AACS: variants seen among roughly 807,000 people sequenced by gnomAD.
AACS encodes the protein acetoacetate-CoA ligase.
A neutral mutation model predicts 83.1 loss-of-function variants in AACS; 69 were observed. The ratio of observed to expected loss-of-function variants is 0.83; its 90% CI spans 0.68 to 1.01. AACS has a LOEUF of 1.01. AACS is among the 50% of genes least tolerant of loss of function. The pLI, the probability that AACS is intolerant of heterozygous loss-of-function variation, is 0.00. For missense variants in AACS, 866 were observed against 882.2 expected (o/e 0.98, Z 0.23); for synonymous variants, 333 against 343.4 (o/e 0.97, Z 0.33).
intron 3 of AACS, among the ~76,000 whole-genome samples, chr12:125,077,840 C>T (rs1956066033): frequency 6.6e-6 from 1 of 152,030 alleles, no homozygotes; most frequent in Admixed American, 6.6e-5. Flanking sequence ...TCCCAAGTAG[C>T]TGGGATTACA....
rs781595318 is a variant in AACS at position 125,129,342 on chromosome 12, G to A, written c.1431G>A (p.Ala477=). ...TTAATTCTCCCATACCAGGAAAGGC[G>A]GTCTGGGGAGAGAGCGGCGAGCTGG... The part of the protein sequence containing the change: ...AVEAWNEEGK[A]VWGESGELVC... The change falls in exon 14 of 18, where the codon GCG becomes GCA. Residue 477 remains alanine (A), a synonymous_variant. Coordinates refer to ENST00000316519, the MANE Select transcript of AACS (RefSeq NM_023928.5). The surrounding 1 kb of genome is among the most constrained non-coding windows in gnomAD (Gnocchi z 4.3). The A allele has an allele frequency of 1.1e-5, 18 of 1,612,770 alleles. No individual in the cohort carries two copies. Among genetic ancestry groups the A allele is most frequent in the South Asian group, 7.7e-5 (7 of 90,932 alleles).
chr12:125,117,529 A>G, intron 9 of AACS: 1 of 152,250 alleles, frequency 6.6e-6, no homozygotes, highest in Non-Finnish European at 1.5e-5. Flanking sequence ...TGCTAGGATG[A>G]CAGGTGTGAG....
intron 7 of AACS, among the ~76,000 whole-genome samples, chr12:125,106,531 G>A (rs1405408740): frequency 2.0e-5 from 3 of 152,140 alleles, no homozygotes; most frequent in South Asian, 2.1e-4. Context: ...TTTGCTGAGC[G>A]GTTCTCTGTC....
At chr12:125,114,770 G>T (rs1437510145) in intron 9 of AACS, among the ~76,000 whole-genome samples, 5 of 148,470 alleles carry the variant, frequency 3.4e-5, no homozygotes, top group Non-Finnish European at 7.5e-5. Flanking sequence ...GCGCCGGCCC[G>T]TGGCACATGT....
chr12:125,128,069 C>G (rs111547066), intron 12 of AACS, 92 bp from the exon 13 acceptor site: 8 of 867,770 alleles, frequency 9.2e-6, no homozygotes, highest in African/African-American at 6.8e-5. Context: ...AGATATTTGT[C>G]CTCTTGGCAC....
At chr12:125,071,294 C>T (rs144673913) in intron 1 of AACS, among the ~76,000 whole-genome samples, 237 of 152,290 alleles carry the variant, frequency 1.6e-3, no homozygotes, top group African/African-American at 5.0e-3. Context: ...GCCACTTCCA[C>T]AATACCCTGT....
In AACS at chr12:125,142,668, A is replaced by G. The variant is rs1957518865; in HGVS notation, c.*439A>G. 2 of 158,216 alleles carry G rather than the reference A, an allele frequency of 1.3e-5. No individual in the cohort carries two copies. Among genetic ancestry groups the G allele is most frequent in the Admixed American group, 6.1e-5 (1 of 16,274 alleles). 9.8% of individuals were successfully genotyped at this position (158,216 alleles called of 1,614,324 possible). A position where few individuals can be genotyped will look rare whatever the true frequency, so the allele number is the denominator to read the frequency against. Reference sequence around the variant, plus strand: ...CTCCTGTTTTCCCTCAGGGTCCAGTATGCCTTTGAGCTTTAGCTGTTAGAA... The same window carrying G: ...CTCCTGTTTTCCCTCAGGGTCCAGTGTGCCTTTGAGCTTTAGCTGTTAGAA... On this transcript the variant is annotated 3_prime_UTR_variant, in exon 18 of 18. Coordinates refer to ENST00000316519, the MANE Select transcript of AACS (RefSeq NM_023928.5).
Position 125,076,527 on chromosome 12 carries a change from G to A in AACS, c.274G>A (p.Glu92Lys), listed in dbSNP as rs549236885. ...ATCGAAAGGAATCGCAGATGTCCCC[G>A]AGTGGTTCAAAGGCAGTCGGCTCAA... ...DTSKGIADVP[E>K]WFKGSRLNYA... The change falls in exon 3 of 18, where the codon GAG becomes AAG. Residue 92 changes from glutamate (E) to lysine (K), a missense_variant. Coordinates refer to ENST00000316519, the MANE Select transcript of AACS (RefSeq NM_023928.5). The A allele has an allele frequency of 1.1e-5, 18 of 1,614,112 alleles. No homozygotes were observed. The highest frequency in any genetic ancestry group is 8.9e-5 in the East Asian group (4 of 44,878).
At position 125,118,706 on chromosome 12, in the gene AACS, C is replaced by T. The variant is rs145042552; in HGVS notation, c.1062C>T (p.Tyr354=). The T allele has an allele frequency of 5.1e-5, 83 of 1,614,124 alleles. No homozygotes were observed. The highest frequency in any genetic ancestry group is 1.3e-4 in the African/African-American group (10 of 75,074). Residue 354 remains tyrosine (Y), a synonymous_variant, in exon 10 of 18, where the codon TAC becomes TAT. Coordinates refer to ENST00000316519, the MANE Select transcript of AACS (RefSeq NM_023928.5). ...CCACAGGAGCGGCCATGGTCTTGTA[C>T]GATGGCTCCCCCCTGGTGCCCACGC... ...LLATGAAMVL[Y]DGSPLVPTPN...
At chr12:125,098,731 G>A (rs1956663881) in intron 5 of AACS, among the ~76,000 whole-genome samples, 1 of 152,256 alleles carries the variant, frequency 6.6e-6, no homozygotes, top group Non-Finnish European at 1.5e-5. Context: ...GTGTACAGGC[G>A]TGAGCCACCG....
In AACS at chr12:125,136,811, G is replaced by A; in HGVS notation, c.1828G>A (p.Gly610Ser). The A allele has an allele frequency of 6.2e-7, 1 of 1,614,022 alleles. No homozygotes were observed. The highest frequency in any genetic ancestry group is 1.7e-5 in the Admixed American group (1 of 60,018). ...GAGGATCCGTGACGCCATCCGCATG[G>A]GCTTGTCTGCGCGACACGTGCCCAG... ...VKRIRDAIRM[G>S]LSARHVPSLI... The change falls in exon 17 of 18, where the codon GGC becomes AGC. Residue 610 changes from glycine (G) to serine (S), a missense_variant. Gly to Ser is a moderately conservative substitution (Grantham distance 56). Coordinates refer to ENST00000316519, the MANE Select transcript of AACS (RefSeq NM_023928.5).
At chr12:125,133,911 G>A in intron 14 of AACS, 92 bp from the exon 15 acceptor site, 1 of 1,296,728 alleles carries the variant, frequency 7.7e-7, no homozygotes, top group South Asian at 1.3e-5. Flanking sequence ...GGGCCCCAGT[G>A]ATGTCTGCGG....
At chr12:125,076,673 C>A in intron 3 of AACS, 62 bp downstream of exon 3, 1 of 1,598,758 alleles carries the variant, frequency 6.3e-7, no homozygotes. Context: ...TGCATGCATG[C>A]GGTGCCACAT....
At chr12:125,066,510 C>T (rs1294826991) in intron 1 of AACS, among the ~76,000 whole-genome samples, 1 of 142,470 alleles carries the variant, frequency 7.0e-6, no homozygotes, top group Non-Finnish European at 1.5e-5. Context: ...AGTGCAATGG[C>T]GAGATCTCGG....
chr12:125,133,150 TG>T (rs1180503837), intron 14 of AACS, among the ~76,000 whole-genome samples: 2 of 152,216 alleles, frequency 1.3e-5, no homozygotes, highest in African/African-American at 4.8e-5. Flanking sequence ...CCCCTCAGTG[TG>T]GCTGATCAAG....
At chr12:125,075,531 A>T (rs372076655) in intron 2 of AACS, among the ~76,000 whole-genome samples, 163 of 149,900 alleles carry the variant, frequency 1.1e-3, no homozygotes, top group Non-Finnish European at 2.0e-3. Context: ...ACCTCAGGTG[A>T]TCCGCCTGCC....
Position 125,142,124 on chromosome 12 carries a change from C to A in AACS, c.1914C>A (p.Ala638=). ...TCAACGGCAAGAAAGTGGAAGTTGC[C>A]GTCAAACAGATCATCGCTGGAAAAG... ...YTLNGKKVEV[A]VKQIIAGKAV... The change falls in exon 18 of 18, where the codon GCC becomes GCA. Residue 638 remains alanine (A), a synonymous_variant. Transcript: ENST00000316519. 3.7e-6 allele frequency: 6 copies of A among 1,614,104 alleles called. No individual in the cohort carries two copies. The highest frequency in any genetic ancestry group is 5.1e-6 in the Non-Finnish European group (6 of 1,180,028).
chr12:125,125,273 T>C (rs1349981684), intron 12 of AACS, among the ~76,000 whole-genome samples: 1 of 152,212 alleles, frequency 6.6e-6, no homozygotes, highest in Non-Finnish European at 1.5e-5. Context: ...TCGATTATAG[T>C]CTTAAAATCC....
chr12:125,089,362 C>G (rs1273822094), intron 4 of AACS, among the ~76,000 whole-genome samples: 2 of 152,120 alleles, frequency 1.3e-5, no homozygotes, highest in Admixed American at 1.3e-4. Context: ...GACTAGGGAC[C>G]CCTGGGGGCA....
Sources: gnomAD v4.1 joint callset for allele counts (sites outside exome capture counted in the v4.1 genomes callset) on GRCh38, gnomAD v4.1.1 for gene constraint, Gnocchi (gnomAD v3.1) non-coding constraint, MANE v1.5 for transcripts, NCBI Gene and HGNC (gene_info 2026-07-23, HGNC 2026-07-21) for gene names.